PIK3AP1: variants seen among roughly 807,000 people sequenced by gnomAD.
The protein encoded by PIK3AP1 is phosphoinositide 3-kinase adapter protein 1.
In PIK3AP1, 21 loss-of-function variants were observed where a neutral mutation model predicts 88.1. The ratio of observed to expected loss-of-function variants is 0.24; its 90% CI spans 0.17 to 0.34. The LOEUF (loss-of-function observed/expected upper bound fraction) is 0.34, where lower values mean the gene tolerates loss of function less well. PIK3AP1 is among the 10% of genes least tolerant of loss of function. The pLI, the probability that PIK3AP1 is intolerant of heterozygous loss-of-function variation, is 1.00. For missense variants in PIK3AP1, 828 were observed against 1,035.7 expected, an observed-to-expected ratio of 0.80 and a Z score of 2.75; for synonymous variants, 398 against 400.0, an observed-to-expected ratio of 1.00 and a Z score of 0.06.
chr10:96,615,837 G>C (rs1849206320), intron 13 of PIK3AP1, among the ~76,000 whole-genome samples: 1 of 152,194 alleles, frequency 6.6e-6, no homozygotes, highest in South Asian at 2.1e-4. Context: ...GGGAAGTCAG[G>C]CAGCTGATGG....
rs146527410 is a variant in PIK3AP1 at position 96,709,780 on chromosome 10, C to A, written c.217G>T (p.Ala73Ser). The A allele has an allele frequency of 2.7e-3, 4,396 of 1,613,502 alleles. 12 individuals carry two copies. The highest frequency in any genetic ancestry group is 3.9e-3 in the Admixed American group (233 of 59,988). Residue 73 changes from alanine to serine, a missense_variant, in exon 2 of 17, where the codon GCG becomes TCG. Physicochemically the swap from Ala to Ser is moderately conservative, Grantham distance 99. This residue lies in a region of PIK3AP1 where 610 missense variants were observed against 760.1 expected (regional missense o/e 0.80). Transcript: ENST00000339364. ...TTGTGGAAGTGCTGCACCAGCTCCG[C>A]GGACAGCAGCACCACGACACAGCGG... ...STRCVVVLLS[A>S]ELVQHFHKPA...
At chr10:96,653,795 T>C (rs764759566) in intron 3 of PIK3AP1, among the ~76,000 whole-genome samples, 8 of 152,306 alleles carry the variant, frequency 5.3e-5, no homozygotes, top group Non-Finnish European at 8.8e-5. Flanking sequence ...GCCATTTATA[T>C]GTCTTTTGAT....
At chr10:96,601,207 C>T (rs1384272515) in intron 16 of PIK3AP1, among the ~76,000 whole-genome samples, 1 of 152,198 alleles carries the variant, frequency 6.6e-6, no homozygotes, top group East Asian at 1.9e-4. Context: ...GGCATGGTGG[C>T]TCATGTCTGT....
At chr10:96,660,807 A>G (rs1188525453) in intron 2 of PIK3AP1, among the ~76,000 whole-genome samples, 1 of 152,176 alleles carries the variant, frequency 6.6e-6, no homozygotes, top group Non-Finnish European at 1.5e-5. Context: ...CAGACAATAC[A>G]ATACTATTCT....
chr10:96,694,439 T>C (rs372567359), intron 2 of PIK3AP1, among the ~76,000 whole-genome samples: 1 of 152,104 alleles, frequency 6.6e-6, no homozygotes, highest in South Asian at 2.1e-4. Flanking sequence ...CATTTTAAAC[T>C]AAAGGGATTA....
At chr10:96,692,673 TAAC>T (rs929315493) in intron 2 of PIK3AP1, among the ~76,000 whole-genome samples, 2 of 152,170 alleles carry the variant, frequency 1.3e-5, no homozygotes. Flanking sequence ...GTACAAAACC[TAAC>T]AACAATTGAT....
intron 16 of PIK3AP1, among the ~76,000 whole-genome samples, chr10:96,599,257 A>G (rs927639): frequency 0.59 from 90,217 of 151,926 alleles, 28,302 homozygotes; most frequent in East Asian, 0.84. Flanking sequence ...CCACTATCTC[A>G]GGCTGGGAAC....
intron 1 of PIK3AP1, among the ~76,000 whole-genome samples, chr10:96,713,223 C>T (rs753060123): frequency 2.0e-5 from 3 of 151,826 alleles, no homozygotes; most frequent in African/African-American, 4.8e-5. Context: ...TTAGGCCAGG[C>T]GCGGTGGGTC....
chr10:96,702,647 C>CAA (rs1844313652), intron 2 of PIK3AP1, among the ~76,000 whole-genome samples: 1 of 150,606 alleles, frequency 6.6e-6, no homozygotes, highest in African/African-American at 2.5e-5. Flanking sequence ...CACACACACA[C>CAA]AATGGTAACT....
intron 8 of PIK3AP1, among the ~76,000 whole-genome samples, chr10:96,641,086 C>CGTGTGTGTGTGTGTGTGTGTGT (rs56816682): frequency 1.4e-5 from 2 of 143,228 alleles, no homozygotes; most frequent in Non-Finnish European, 3.1e-5. Flanking sequence ...GTGAGTGTGC[C>CGTGTGTGTGTGTGTGTGTGTGT]GTGTGTGTGT....
chr10:96,710,205 G>A (rs1022082542), intron 1 of PIK3AP1, among the ~76,000 whole-genome samples: 1 of 144,340 alleles, frequency 6.9e-6, no homozygotes, highest in Non-Finnish European at 1.5e-5. Context: ...AACATACCAC[G>A]CTGTTTTATT....
chr10:96,616,687 T>C lies in PIK3AP1; in HGVS notation c.1966A>G (p.Ser656Gly). The change falls in exon 13 of 17, where the codon AGC becomes GGC. Residue 656 changes from serine to glycine, a missense_variant. Ser to Gly is a moderately conservative substitution (Grantham distance 56, BLOSUM62 0). Transcript: ENST00000339364. ...QQENLKRLRD[S>G]ITRRQREKQK... The stretch of plus-strand genomic sequence containing the variant: ...TTCTCTCTCTGTCTTCGGGTGATGC[T>C]GTCTCTTAGCCGTTTAAGATTTTCC... The C allele has an allele frequency of 1.9e-6, 3 of 1,614,244 alleles. No individual in the cohort carries two copies. Among genetic ancestry groups the C allele is most frequent in the Non-Finnish European group, 2.5e-6 (3 of 1,180,034 alleles).
chr10:96,715,674 A>T (rs905226750), intron 1 of PIK3AP1, among the ~76,000 whole-genome samples: 5 of 151,994 alleles, frequency 3.3e-5, no homozygotes, highest in African/African-American at 9.7e-5. Flanking sequence ...GTGGATCACG[A>T]GGTCAGGAGA....
At chr10:96,656,292 C>T (rs1843613841) in intron 3 of PIK3AP1, among the ~76,000 whole-genome samples, 1 of 152,214 alleles carries the variant, frequency 6.6e-6, no homozygotes, top group Admixed American at 6.5e-5. Flanking sequence ...CCTGAAAATG[C>T]TAGTCATATG....
At chr10:96,617,414 A>G (rs756593140) in intron 12 of PIK3AP1, among the ~76,000 whole-genome samples, 3 of 152,192 alleles carry the variant, frequency 2.0e-5, no homozygotes, top group Non-Finnish European at 4.4e-5. Context: ...CAGAAGGTTC[A>G]TGTTGGGGAG....
chr10:96,598,831 T>C (rs1029667650), intron 16 of PIK3AP1, among the ~76,000 whole-genome samples: 28 of 151,980 alleles, frequency 1.8e-4, no homozygotes, highest in Non-Finnish European at 4.0e-4. Flanking sequence ...AAGGAACAGA[T>C]TGGGCAAAGA....
At chr10:96,632,828 C>T (rs1843262596) in intron 8 of PIK3AP1, 4 of 1,579,366 alleles carry the variant, frequency 2.5e-6, no homozygotes, top group Non-Finnish European at 3.4e-6. Flanking sequence ...GTATTGACTA[C>T]ACATCCACCA....
chr10:96,690,890 T>G (rs928719997), intron 2 of PIK3AP1, among the ~76,000 whole-genome samples: 1 of 152,196 alleles, frequency 6.6e-6, no homozygotes, highest in Non-Finnish European at 1.5e-5. Flanking sequence ...TCTTTAGGGC[T>G]GGAGTTGGAA....
At chr10:96,695,438 A>G (rs1425727026) in intron 2 of PIK3AP1, among the ~76,000 whole-genome samples, 1 of 152,226 alleles carries the variant, frequency 6.6e-6, no homozygotes, top group Non-Finnish European at 1.5e-5. Flanking sequence ...TTTTAGTCTA[A>G]TTTAAAAGTA....
Sources: allele counts gnomAD v4.1 joint callset (sites outside exome capture counted in the v4.1 genomes callset), GRCh38; gene constraint gnomAD v4.1.1; regional missense constraint gnomAD v4.1.1; transcripts MANE v1.5; gene names NCBI Gene and HGNC (gene_info 2026-07-23, HGNC 2026-07-21).